LDAH: variants seen among roughly 807,000 people sequenced by gnomAD.
LDAH encodes lipid droplet-associated hydrolase.
LDAH carries 26 observed loss-of-function variants against 29.6 expected under a neutral mutation model. The observed-to-expected ratio is 0.88, with a 90% CI of 0.64 to 1.22. The LOEUF (loss-of-function observed/expected upper bound fraction) is 1.22, where lower values mean the gene tolerates loss of function less well. Among genes scored for constraint, LDAH ranks in the 50% most tolerant of loss-of-function variants. The pLI is 0.00. For missense variants in LDAH, 344 were observed against 387.3 expected (o/e 0.89, Z 0.94); for synonymous variants, 117 against 133.0 (o/e 0.88, Z 0.83).
Position 20,774,782 on chromosome 2 carries a change from C to A in LDAH, c.468+28G>T, listed in dbSNP as rs761604750. ...TTTGTGCAGGCACACAGTCCAGCAC[C>A]CACAGTTACCTCTGGAGACCTACTT... On this transcript the variant is annotated intron_variant, in intron 4 of 6. Transcript: ENST00000237822. The A allele has an allele frequency of 1.7e-5, 27 of 1,610,762 alleles. 1 individual carries two copies. In the South Asian group the frequency reaches 3.0e-4, roughly 18 times the overall value.
chr2:20,710,499 C>A (rs938113085), intron 5 of LDAH, among the ~76,000 whole-genome samples: 1 of 150,566 alleles, frequency 6.6e-6, no homozygotes, highest in African/African-American at 2.4e-5. Context: ...ATTCAATGAA[C>A]AATTAAGGAA....
intron 5 of LDAH, among the ~76,000 whole-genome samples, chr2:20,711,223 C>T (rs551608327): frequency 2.4e-4 from 36 of 151,988 alleles, no homozygotes; most frequent in Middle Eastern, 3.4e-3. Flanking sequence ...CCTGTCTCTA[C>T]TAAAAATACA....
At chr2:20,818,131 G>C (rs1672983775) in intron 1 of LDAH, among the ~76,000 whole-genome samples, 1 of 152,116 alleles carries the variant, frequency 6.6e-6, no homozygotes, top group South Asian at 2.1e-4. Flanking sequence ...TCTGTGAATT[G>C]TATCAATGTC....
At chr2:20,767,552 G>A (rs973225994) in intron 4 of LDAH, among the ~76,000 whole-genome samples, 2 of 152,252 alleles carry the variant, frequency 1.3e-5, no homozygotes, top group African/African-American at 2.4e-5. Flanking sequence ...TGGCCTGCAG[G>A]TGCCCCTTGG....
intron 5 of LDAH, among the ~76,000 whole-genome samples, chr2:20,704,281 C>A (rs1461919657): frequency 6.6e-6 from 1 of 152,178 alleles, no homozygotes; most frequent in African/African-American, 2.4e-5. Flanking sequence ...TTGGCCTAAT[C>A]TCCTAAATCA....
rs975405648 is a variant in LDAH at position 20,698,920 on chromosome 2, C to A, written c.786+2650G>T. On this transcript the variant is annotated intron_variant, in intron 6 of 6. Coordinates refer to ENST00000237822, the MANE Select transcript of LDAH (RefSeq NM_021925.4). This position sits in a 1 kb window ranked among gnomAD's most constrained non-coding sequence, Gnocchi z 4.4. ...TTTCCTCAAGCATATAAAAAGCTCTCTTCTTGTGTCAAATGGAAATCCAGT... is the reference window on the plus strand; with the variant it reads ...TTTCCTCAAGCATATAAAAAGCTCTATTCTTGTGTCAAATGGAAATCCAGT... Among the ~76,000 whole-genome samples the A allele has an allele frequency of 6.6e-6, 1 of 152,126 alleles. No individual in the cohort carries two copies. Among genetic ancestry groups the A allele is most frequent in the Admixed American group, 6.5e-5 (1 of 15,272 alleles).
intron 1 of LDAH, among the ~76,000 whole-genome samples, chr2:20,818,934 T>C (rs1351155996): frequency 2.0e-5 from 3 of 152,164 alleles, no homozygotes; most frequent in Non-Finnish European, 1.5e-5. Context: ...ATTCTTCTTT[T>C]AATGACTTTT....
chr2:20,822,600 T>C (rs1294992328), intron 1 of LDAH, among the ~76,000 whole-genome samples: 1 of 152,072 alleles, frequency 6.6e-6, no homozygotes, highest in East Asian at 1.9e-4. Context: ...AGGATGAGGG[T>C]TTACGGTTAA....
intron 1 of LDAH, among the ~76,000 whole-genome samples, chr2:20,821,370 C>T (rs1388426334): frequency 1.5e-4 from 23 of 152,146 alleles, no homozygotes; most frequent in Admixed American, 1.1e-3. Context: ...CCAACCCAAA[C>T]GTCCAACAAT....
intron 6 of LDAH, among the ~76,000 whole-genome samples, chr2:20,695,661 G>C (rs1663401123): frequency 3.3e-5 from 5 of 152,018 alleles, no homozygotes; most frequent in Admixed American, 3.3e-4. Flanking sequence ...TGTTGGCCAG[G>C]CTGGTCTCGA....
At chr2:20,779,411 T>C (rs1211819044) in intron 3 of LDAH, among the ~76,000 whole-genome samples, 1 of 151,888 alleles carries the variant, frequency 6.6e-6, no homozygotes, top group Non-Finnish European at 1.5e-5. Context: ...CAAACCACCA[T>C]AGCACACGTA....
chr2:20,725,776 G>C lies in LDAH; in HGVS notation c.703+14195C>G, dbSNP rs150126092. 8.0e-3 allele frequency among the ~76,000 whole-genome samples: 1,225 copies of C among 152,306 alleles called. 19 individuals are homozygous for C. Among genetic ancestry groups the C allele is most frequent in the African/African-American group, 0.028 (1,162 of 41,570 alleles). ...TTTTAAATAAGCCAAAGCCTAATCA[G>C]GAGTAGGCCTTTTGCCTTTCTCCCC... On this transcript the variant is annotated intron_variant, in intron 5 of 6. Transcript: ENST00000237822.
intron 4 of LDAH, among the ~76,000 whole-genome samples, chr2:20,758,737 T>A (rs568470782): frequency 3.8e-4 from 58 of 152,246 alleles, no homozygotes; most frequent in Non-Finnish European, 7.5e-4. Context: ...ACAGGAGGCA[T>A]CAGTTAGATG....
chr2:20,803,088 A>G (rs1366822630), intron 1 of LDAH, among the ~76,000 whole-genome samples: 1 of 152,192 alleles, frequency 6.6e-6, no homozygotes. Flanking sequence ...TTCCATTGTC[A>G]TAACTTGGGG....
At chr2:20,725,705 G>A (rs992517510) in intron 5 of LDAH, among the ~76,000 whole-genome samples, 2 of 152,180 alleles carry the variant, frequency 1.3e-5, no homozygotes, top group Non-Finnish European at 2.9e-5. Context: ...CAGAGTAAGG[G>A]ATATTTTGGC....
intron 4 of LDAH, among the ~76,000 whole-genome samples, chr2:20,772,211 A>G (rs1041032201): frequency 1.3e-5 from 2 of 152,224 alleles, no homozygotes; most frequent in Non-Finnish European, 2.9e-5. Flanking sequence ...ACAAAAACCA[A>G]AACAGATCTG....
At chr2:20,713,410 C>T (rs970074787) in intron 5 of LDAH, among the ~76,000 whole-genome samples, 14 of 152,222 alleles carry the variant, frequency 9.2e-5, no homozygotes, top group East Asian at 7.7e-4. Flanking sequence ...AAGAAACAAC[C>T]GGTACCAGCC....
intron 1 of LDAH, among the ~76,000 whole-genome samples, chr2:20,818,347 AGG>A (rs1343989412): frequency 6.6e-6 from 1 of 152,148 alleles, no homozygotes; most frequent in Non-Finnish European, 1.5e-5. Context: ...GTGGTATGAA[AGG>A]GGAAAATTGG....
chr2:20,765,552 T>TC (rs1474595186), intron 4 of LDAH, among the ~76,000 whole-genome samples: 1 of 152,228 alleles, frequency 6.6e-6, no homozygotes, highest in East Asian at 1.9e-4. Flanking sequence ...TTTTGCTTTC[T>TC]CACAATTCTG....
Sources: allele counts gnomAD v4.1 joint callset (sites outside exome capture counted in the v4.1 genomes callset), GRCh38; gene constraint gnomAD v4.1.1; non-coding constraint Gnocchi (gnomAD v3.1); transcripts MANE v1.5; gene names NCBI Gene and HGNC (gene_info 2026-07-23, HGNC 2026-07-21).